Variants in ZNF704 observed in about 807,000 individuals in gnomAD.
ZNF704 encodes the protein zinc finger protein 704.
Under a neutral mutation model 44.7 loss-of-function variants are expected in ZNF704, and 10 were observed. The ratio of observed to expected loss-of-function variants is 0.22; its 90% CI spans 0.14 to 0.38. ZNF704 has a LOEUF of 0.38. Ranked by LOEUF, ZNF704 falls within the 10% of genes least tolerant of loss-of-function variation. The pLI is 1.00. For missense variants in ZNF704, 390 were observed against 545.5 expected, an observed-to-expected ratio of 0.71 and a Z score of 2.84; for synonymous variants, 211 against 207.6, an observed-to-expected ratio of 1.02 and a Z score of -0.14.
At chr8:80,782,821 C>A (rs191796615) in intron 2 of ZNF704, among the ~76,000 whole-genome samples, 1 of 152,100 alleles carries the variant, frequency 6.6e-6, no homozygotes, top group African/African-American at 2.4e-5. Flanking sequence ...AAAATCCTCA[C>A]AAAATCCTCC....
chr8:80,738,009 C>T (rs1806693713), intron 2 of ZNF704, among the ~76,000 whole-genome samples: 1 of 152,100 alleles, frequency 6.6e-6, no homozygotes, highest in South Asian at 2.1e-4. Flanking sequence ...TGTTTCTTGA[C>T]CTTGATAGTT....
At chr8:80,692,909 G>A (rs1231285716) in intron 3 of ZNF704, 95 bp downstream of exon 3, 3 of 1,110,804 alleles carry the variant, frequency 2.7e-6, no homozygotes, top group Admixed American at 3.9e-5. Context: ...GAGGGTCAGT[G>A]GTTCATAGCG....
intron 2 of ZNF704, among the ~76,000 whole-genome samples, chr8:80,810,300 C>T (rs1808061473): frequency 6.6e-6 from 1 of 152,128 alleles, no homozygotes. Context: ...ATCATTTCTC[C>T]ACCCAGAACT....
chr8:80,879,567 G>A (rs1447468850), upstream of ZNF704, among the ~76,000 whole-genome samples: 1 of 152,030 alleles, frequency 6.6e-6, no homozygotes, highest in Non-Finnish European at 1.5e-5. Flanking sequence ...CTGTATCTTA[G>A]GACTGCCATC....
intron 2 of ZNF704, among the ~76,000 whole-genome samples, chr8:80,778,295 C>G (rs2129691958): frequency 6.6e-6 from 1 of 152,048 alleles, no homozygotes; most frequent in South Asian, 2.1e-4. Context: ...GCAAATAAAA[C>G]CACAATGAGA....
chr8:80,645,563 T>TAAAAG (rs1817817424), intron 7 of ZNF704, among the ~76,000 whole-genome samples: 1 of 152,076 alleles, frequency 6.6e-6, no homozygotes, highest in Non-Finnish European at 1.5e-5. Flanking sequence ...GACCATTCCC[T>TAAAAG]TGGTGATATG....
At chr8:80,748,264 C>T (rs1259480390) in intron 2 of ZNF704, among the ~76,000 whole-genome samples, 4 of 152,154 alleles carry the variant, frequency 2.6e-5, no homozygotes, top group Admixed American at 2.0e-4. Context: ...TAAAAGTGGG[C>T]ACCATGCAAA....
chr8:80,689,990 C>T (rs1017555448), intron 3 of ZNF704, among the ~76,000 whole-genome samples: 1 of 150,840 alleles, frequency 6.6e-6, no homozygotes, highest in East Asian at 1.9e-4. Context: ...TTTTTAGGCA[C>T]AGAAAATGAT....
intron 2 of ZNF704, among the ~76,000 whole-genome samples, chr8:80,714,053 C>G (rs555793310): frequency 6.6e-6 from 1 of 152,174 alleles, no homozygotes; most frequent in African/African-American, 2.4e-5. Context: ...ATTCTTTTAC[C>G]ATCAGCTGCA....
chr8:80,684,577 A>G (rs1464008302), intron 4 of ZNF704, among the ~76,000 whole-genome samples: 40 of 152,262 alleles, frequency 2.6e-4, no homozygotes, highest in Non-Finnish European at 2.9e-5. Flanking sequence ...AGAAAGTTCT[A>G]CCAACTAGAC....
intron 4 of ZNF704, among the ~76,000 whole-genome samples, chr8:80,672,164 A>C (rs958707433): frequency 6.6e-6 from 1 of 152,256 alleles, no homozygotes; most frequent in African/African-American, 2.4e-5. Flanking sequence ...AATAGGAAAA[A>C]GACGCTCAAT....
chr8:80,791,455 G>A (rs1297261486), intron 2 of ZNF704, among the ~76,000 whole-genome samples: 2 of 152,308 alleles, frequency 1.3e-5, no homozygotes, highest in Non-Finnish European at 2.9e-5. Context: ...GGCAGTCCCA[G>A]GTGCAGGAAA....
chr8:80,857,315 A>G (rs1808979442), intron 1 of ZNF704, among the ~76,000 whole-genome samples: 1 of 152,202 alleles, frequency 6.6e-6, no homozygotes, highest in Non-Finnish European at 1.5e-5. Flanking sequence ...ATATTGGTAG[A>G]GGAAATTACC....
the ZNF704 span, among the ~76,000 whole-genome samples, chr8:80,882,910 C>A: frequency 1.1e-4 from 16 of 151,758 alleles, no homozygotes; most frequent in Admixed American, 4.6e-4. Context: ...TAATTAATAA[C>A]CCTTAATTAA....
At chr8:80,864,137 C>A (rs2130051370) in intron 1 of ZNF704, among the ~76,000 whole-genome samples, 1 of 152,298 alleles carries the variant, frequency 6.6e-6, no homozygotes, top group East Asian at 1.9e-4. Context: ...AAACTCAATA[C>A]TGAAGAGTTA....
At chr8:80,813,649 G>A (rs551714089) in intron 2 of ZNF704, among the ~76,000 whole-genome samples, 270 of 152,162 alleles carry the variant, frequency 1.8e-3, no homozygotes, top group Non-Finnish European at 3.5e-3. Context: ...AGGCCGAGGC[G>A]GGCAGATCAT....
chr8:80,754,885 C>T (rs1009315506), intron 2 of ZNF704, among the ~76,000 whole-genome samples: 3 of 152,156 alleles, frequency 2.0e-5, no homozygotes, highest in African/African-American at 7.2e-5. Flanking sequence ...TTAAAGACTT[C>T]GACTGTTTAA....
At chr8:80,874,809 G>T (rs985323627), upstream of ZNF704, 1 of 152,190 alleles carries the variant, frequency 6.6e-6, no homozygotes, top group Non-Finnish European at 1.5e-5. This position sits in a 1 kb window ranked among gnomAD's most constrained non-coding sequence, Gnocchi z 4.4. Flanking sequence ...ACCAATCTGA[G>T]GTTTGGGATG....
intron 1 of ZNF704, among the ~76,000 whole-genome samples, chr8:80,857,556 C>A (rs1808983803): frequency 6.6e-6 from 1 of 152,084 alleles, no homozygotes; most frequent in Non-Finnish European, 1.5e-5. Flanking sequence ...AGTATTTACA[C>A]TTTACATTCC....
Sources: allele counts gnomAD v4.1 joint callset (sites outside exome capture counted in the v4.1 genomes callset), GRCh38; gene constraint gnomAD v4.1.1; non-coding constraint Gnocchi (gnomAD v3.1); transcripts MANE v1.5; gene names NCBI Gene and HGNC (gene_info 2026-07-23, HGNC 2026-07-21).